RNASEK: variants seen among roughly 807,000 people sequenced by gnomAD.
RNASEK encodes ribonuclease K.
Under a neutral mutation model 11.2 loss-of-function variants are expected in RNASEK, and 7 were observed. The ratio of observed to expected loss-of-function variants is 0.62; its 90% confidence interval spans 0.35 to 1.17. RNASEK has a LOEUF of 1.17. RNASEK is among the 50% of genes most tolerant of loss of function. The pLI, the probability that RNASEK is intolerant of heterozygous loss-of-function variation, is 0.02. For synonymous variants in RNASEK, 46 were observed against 49.5 expected, an observed-to-expected ratio of 0.93 and a Z score of 0.30; for missense variants, 101 against 126.7, an observed-to-expected ratio of 0.80 and a Z score of 0.97.
At chr17:7,012,868 G>A (rs1261964270) in intron 1 of RNASEK, 107 bp downstream of exon 1, 3 of 942,504 alleles carry the variant, frequency 3.2e-6, no homozygotes, top group Middle Eastern at 3.1e-4. Context: ...AGGGGCCGGG[G>A]ATCTACAGGC....
intron 2 of RNASEK, 59 bp downstream of exon 2, chr17:7,013,801 G>A (rs1909608689): frequency 3.0e-6 from 4 of 1,339,664 alleles, no homozygotes; most frequent in Non-Finnish European, 2.2e-6. Flanking sequence ...GAGGCCTAGG[G>A]TCAGAATTAC....
At chr17:7,013,769 C>A in intron 2 of RNASEK, 27 bp downstream of exon 2, 2 of 1,193,274 alleles carry the variant, frequency 1.7e-6, no homozygotes, top group Non-Finnish European at 2.5e-6. Flanking sequence ...GGGAGGCGGG[C>A]TGGGAGCAGG....
chr17:7,012,792 G>C (rs768923918), intron 1 of RNASEK, 31 bp downstream of exon 1: 2 of 1,595,680 alleles, frequency 1.3e-6, no homozygotes, highest in East Asian at 4.5e-5. Context: ...GGATCGGAGA[G>C]GGCCTGAGGG....
At position 7,014,423 on chromosome 17, in the gene RNASEK, C is replaced by T. The variant is rs1407356313; in HGVS notation, c.*137C>T. 1.1e-6 allele frequency: 1 copy of T among 902,884 alleles called. No homozygotes were observed. Among genetic ancestry groups the T allele is most frequent in the Non-Finnish European group, 1.7e-6 (1 of 600,326 alleles). The allele number at this position is 902,884 out of a possible 1,614,324, so 55.9% of individuals were successfully genotyped here. The stretch of plus-strand genomic sequence containing the variant: ...CCGGGCGAGAGACTGAATCCCTTCT[C>T]CCATCTCTGGCATCCGGCCCCCGTG... On this transcript the variant is annotated 3_prime_UTR_variant, in exon 3 of 3. Coordinates refer to ENST00000593646, the MANE Select transcript of RNASEK (RefSeq NM_001004333.5). This position sits in a 1 kb window ranked among gnomAD's most constrained non-coding sequence, Gnocchi z 4.5.
At chr17:7,012,926 AC>A in intron 1 of RNASEK, 165 bp downstream of exon 1, 1 of 628,760 alleles carries the variant, frequency 1.6e-6, no homozygotes, top group Non-Finnish European at 2.7e-6. Flanking sequence ...ACTGTTCGAG[AC>A]CAGCCTGACC....
rs541887487 is a variant in RNASEK, at chr17:7,014,405, A to G, written c.*119A>G. On this transcript the variant is annotated 3_prime_UTR_variant, in exon 3 of 3. Transcript: ENST00000593646. This position sits in a 1 kb window ranked among gnomAD's most constrained non-coding sequence, Gnocchi z 4.5. ...TCTGCGGGACTGGGTTTCCCGGGCG[A>G]GAGACTGAATCCCTTCTCCCATCTC... is the stretch of plus-strand genomic sequence containing the variant. 512 of 1,059,742 alleles carry G rather than the reference A, an allele frequency of 4.8e-4. 3 individuals are homozygous for G. In the African/African-American group the frequency reaches 7.5e-3, roughly 16 times the overall value. 65.6% of individuals were successfully genotyped at this position (1,059,742 alleles called of 1,614,324 possible).
At chr17:7,013,089 C>T in intron 1 of RNASEK, 1 of 451,048 alleles carries the variant, frequency 2.2e-6, no homozygotes, top group Non-Finnish European at 4.0e-6. Context: ...CGCGCCACTG[C>T]ACTCCAGCCT....
chr17:7,013,359 A>G (rs1597331474), intron 1 of RNASEK: 1 of 1,530,288 alleles, frequency 6.5e-7, no homozygotes, highest in African/African-American at 1.4e-5. Flanking sequence ...TGATATGAAG[A>G]AGTGCCGGTT....
Position 7,012,677 on chromosome 17 carries a change from C to A in RNASEK, c.-7C>A, listed in dbSNP as rs1273075787. ...TTGCACCTCGGCGATCCCCGACTCC[C>A]TTCTTTATGGCGTCGCTCCTGTGCT... On this transcript the variant is annotated 5_prime_UTR_variant, in exon 1 of 3. Coordinates refer to ENST00000593646, the MANE Select transcript of RNASEK (RefSeq NM_001004333.5). 1.9e-6 allele frequency: 3 copies of A among 1,612,778 alleles called. No homozygotes were observed. Among genetic ancestry groups the A allele is most frequent in the Non-Finnish European group, 2.5e-6 (3 of 1,179,824 alleles).
At position 7,014,311 on chromosome 17, in the gene RNASEK, A is replaced by G. The variant is rs752522053; in HGVS notation, c.*25A>G. 3.1e-6 allele frequency: 5 copies of G among 1,612,732 alleles called. No individual in the cohort carries two copies. In the Admixed American group the frequency reaches 8.3e-5, roughly 27 times the overall value. On this transcript the variant is annotated 3_prime_UTR_variant, in exon 3 of 3. Transcript: ENST00000593646. The surrounding 1 kb of genome is among the most constrained non-coding windows in gnomAD (Gnocchi z 4.5). ...GGGCCCCGGCGCGTTTCCCCGCTCC[A>G]GCCCCTCCTCTATTTAAAGACTCCC...
chr17:7,013,800 G>T, intron 2 of RNASEK, 58 bp downstream of exon 2: 1 of 1,345,676 alleles, frequency 7.4e-7, no homozygotes, highest in South Asian at 1.2e-5. Context: ...CGAGGCCTAG[G>T]GTCAGAATTA....
At chr17:7,013,366 G>A (rs763633757) in intron 1 of RNASEK, 4 of 1,531,596 alleles carry the variant, frequency 2.6e-6, no homozygotes, top group Admixed American at 2.0e-5. Flanking sequence ...AAGAAGTGCC[G>A]GTTCTCCCTC....
At chr17:7,013,140 AAG>A in intron 1 of RNASEK, 1 of 474,612 alleles carries the variant, frequency 2.1e-6, no homozygotes, top group Non-Finnish European at 3.7e-6. Flanking sequence ...AAAAAGAAAA[AAG>A]GGAACTGGAG....
At chr17:7,013,422 G>A (rs1172206288) in intron 1 of RNASEK, 18 of 1,536,016 alleles carry the variant, frequency 1.2e-5, no homozygotes, top group Non-Finnish European at 1.5e-5. Context: ...CAGAGAGGAC[G>A]ATAATCTGGG....
chr17:7,013,708 A>G lies in RNASEK; in HGVS notation c.121A>G (p.Ile41Val), dbSNP rs1909597445. The change falls in exon 2 of 3, where the codon ATT becomes GTT. Residue 41 changes from isoleucine (I) to valine (V), a missense_variant. Physicochemically the swap from Ile to Val is conservative, Grantham distance 29. Coordinates refer to ENST00000593646, the MANE Select transcript of RNASEK (RefSeq NM_001004333.5). ...IFFNVHSAVLIEDVPFTEKDF... is the reference protein window; with the variant it reads ...IFFNVHSAVLVEDVPFTEKDF... ...TTTCAATGTCCATTCCGCTGTGTTG[A>G]TTGAGGACGTTCCCTTCACGGAGAA... The G allele has an allele frequency of 6.7e-7, 1 of 1,491,852 alleles. No homozygotes were observed. The highest frequency in any genetic ancestry group is 9.1e-7 in the Non-Finnish European group (1 of 1,104,362). The allele number at this position is 1,491,852 out of a possible 1,614,324, so 92.4% of individuals were successfully genotyped here. A position where few individuals can be genotyped will look rare whatever the true frequency, so the allele number is the denominator to read the frequency against.
In RNASEK at chr17:7,014,217, C is replaced by T. The variant is rs1474372398; in HGVS notation, c.228C>T (p.Tyr76=). The T allele has an allele frequency of 6.2e-7, 1 of 1,610,658 alleles. No homozygotes were observed. Among genetic ancestry groups the T allele is most frequent in the South Asian group, 1.1e-5 (1 of 90,378 alleles). The change falls in exon 3 of 3, where the codon TAC becomes TAT. Residue 76 remains tyrosine, a synonymous_variant. Transcript: ENST00000593646. This position sits in a 1 kb window ranked among gnomAD's most constrained non-coding sequence, Gnocchi z 4.5. The part of the protein sequence containing the change: ...SYNCFIAAGL[Y]LLLGGFSFCQ... ...ACTGTTTCATCGCTGCAGGCCTTTA[C>T]CTCCTCCTCGGAGGCTTCTCTTTCT...
Position 7,012,699 on chromosome 17 carries a change from T to A in RNASEK, c.16T>A (p.Cys6Ser). ...TCCCTTCTTTATGGCGTCGCTCCTG[T>A]GCTGTGGGCCGAAGCTGGCCGCCTG... MASLL[C>S]CGPKLAACGI... The change falls in exon 1 of 3, where the codon TGC (cysteine) becomes AGC (serine). Residue 6 changes from cysteine (C) to serine (S), a missense_variant. Transcript: ENST00000593646. The A allele has an allele frequency of 5.6e-6, 9 of 1,613,324 alleles. No individual in the cohort carries two copies. Among genetic ancestry groups the A allele is most frequent in the Non-Finnish European group, 7.6e-6 (9 of 1,179,818 alleles).
chr17:7,014,035 T>C lies in RNASEK; in HGVS notation c.156-110T>C, dbSNP rs1909629945. 4.8e-6 allele frequency: 5 copies of C among 1,038,040 alleles called. No homozygotes were observed. The Admixed American group carries it at 6.7e-5, about 14-fold the overall frequency. 64.3% of individuals were successfully genotyped at this position (1,038,040 alleles called of 1,614,324 possible). On this transcript the variant is annotated intron_variant, in intron 2 of 2. Transcript: ENST00000593646. The surrounding 1 kb of genome is among the most constrained non-coding windows in gnomAD (Gnocchi z 4.5). The stretch of plus-strand genomic sequence containing the variant: ...CACCCCATAGGATGGTCAAGAAGAT[T>C]GAATAAAGTAATACACGTAACAGCG...
intron 1 of RNASEK, 194 bp downstream of exon 1, chr17:7,012,955 T>A (rs1194199697): frequency 3.4e-6 from 2 of 590,648 alleles, no homozygotes; most frequent in Admixed American, 6.6e-5. Flanking sequence ...TGAAACCCCG[T>A]CTCCAATAAA....
Sources: allele counts gnomAD v4.1 joint callset, GRCh38; gene constraint gnomAD v4.1.1; non-coding constraint Gnocchi (gnomAD v3.1); transcripts MANE v1.5; gene names NCBI Gene and HGNC (gene_info 2026-07-23, HGNC 2026-07-21).